NOMO1: variants seen among roughly 807,000 people sequenced by gnomAD.
The protein encoded by NOMO1 is nodal modulator 3.
Under a neutral mutation model 133.8 loss-of-function variants are expected in NOMO1, and 40 were observed. The observed-to-expected ratio is 0.30, with a 90% CI of 0.23 to 0.39. The LOEUF is 0.39. Ranked by LOEUF, NOMO1 falls within the 10% of genes least tolerant of loss-of-function variation. The pLI is 1.00. For synonymous variants in NOMO1, 236 were observed against 570.5 expected, an observed-to-expected ratio of 0.41 and a Z score of 8.36; for missense variants, 462 against 1,419.9, an observed-to-expected ratio of 0.33 and a Z score of 10.84.
chr16:14,886,108 C>T lies in NOMO1; in HGVS notation c.3223-653C>T, dbSNP rs1479710420. Among the ~76,000 whole-genome samples, 2 of 152,070 alleles carry T rather than the reference C, an allele frequency of 1.3e-5. 1 individual carries two copies. Among genetic ancestry groups the T allele is most frequent in the African/African-American group, 4.8e-5 (2 of 41,322 alleles). On this transcript the variant is annotated intron_variant, in intron 27 of 30. Coordinates refer to ENST00000287667, the MANE Select transcript of NOMO1 (RefSeq NM_014287.4). ...CTGCACCTTAACCCTGCTCATGCCC[C>T]ATGCCGTGTGGGAGTGAGAACAGGC...
Position 14,841,015 on chromosome 16 carries a change from T to G in NOMO1, c.256-347T>G, listed in dbSNP as rs565441323. On this transcript the variant is annotated intron_variant, in intron 2 of 30. Transcript: ENST00000287667. The stretch of plus-strand genomic sequence containing the variant: ...TTAGTTCCTGAAGATACATGCTAAC[T>G]TGTGCAACTGTAGGCATGTGAGGGC... Among the ~76,000 whole-genome samples the G allele has an allele frequency of 1.7e-4, 25 of 151,470 alleles. No individual in the cohort carries two copies. The East Asian group carries it at 4.5e-3, about 27-fold the overall frequency.
chr16:14,894,352 T>A (rs1964449174), intron 29 of NOMO1, among the ~76,000 whole-genome samples: 1 of 152,110 alleles, frequency 6.6e-6, no homozygotes, highest in African/African-American at 2.4e-5. Context: ...GTGTGGCACT[T>A]ACCGCTTCTG....
intron 28 of NOMO1, among the ~76,000 whole-genome samples, chr16:14,887,825 G>A (rs1964349170): frequency 6.6e-6 from 1 of 151,840 alleles, no homozygotes; most frequent in South Asian, 2.1e-4. Flanking sequence ...GTTTCCTCAT[G>A]ATGGGGGATC....
intron 16 of NOMO1, among the ~76,000 whole-genome samples, chr16:14,869,916 G>A (rs1019332220): frequency 1.3e-4 from 19 of 149,854 alleles, no homozygotes; most frequent in African/African-American, 4.4e-4. Flanking sequence ...GTTATTGTCT[G>A]TTTTATTATA....
At chr16:14,871,005 A>C (rs1260808156) in intron 16 of NOMO1, among the ~76,000 whole-genome samples, 1 of 145,386 alleles carries the variant, frequency 6.9e-6, no homozygotes, top group Non-Finnish European at 1.5e-5. Flanking sequence ...GGGTGGTTTT[A>C]GCTAATTTCA....
In NOMO1 at chr16:14,833,741, G is replaced by A; in HGVS notation, c.-111G>A. On this transcript the variant is annotated 5_prime_UTR_variant, in exon 1 of 31. Coordinates refer to ENST00000287667, the MANE Select transcript of NOMO1 (RefSeq NM_014287.4). ...GCGGCGGCTCTGGCGGCGGCGGTGG[G>A]GCGGGGCCTGGGCTGTCAGCCGGCC... is the stretch of plus-strand genomic sequence containing the variant. 2 of 1,069,110 alleles carry A rather than the reference G, an allele frequency of 1.9e-6. No individual in the cohort carries two copies. Among genetic ancestry groups the A allele is most frequent in the South Asian group, 2.9e-5 (1 of 34,778 alleles). 66.2% of individuals were successfully genotyped at this position (1,069,110 alleles called of 1,614,324 possible).
intron 1 of NOMO1, among the ~76,000 whole-genome samples, chr16:14,838,147 A>G (rs1963547583): frequency 6.6e-6 from 1 of 152,010 alleles, no homozygotes; most frequent in South Asian, 2.1e-4. Flanking sequence ...AGAGACAGCC[A>G]CTAAAATAAA....
At position 14,864,709 on chromosome 16, in the gene NOMO1, G is replaced by C. The variant is rs778671428; in HGVS notation, c.1520G>C (p.Gly507Ala). ...AFVQFLASVS[G>A]KVSCLDTCGD... ...GTACAGTTCTTGGCATCAGTTTCTGGGAAAGTCTCTTGTTTGGGTAAGATA... is the reference window on the plus strand; with the variant it reads ...GTACAGTTCTTGGCATCAGTTTCTGCGAAAGTCTCTTGTTTGGGTAAGATA... The change falls in exon 13 of 31, where the codon GGG becomes GCG. Residue 507 changes from glycine to alanine, a missense_variant. Coordinates refer to ENST00000287667, the MANE Select transcript of NOMO1 (RefSeq NM_014287.4). The C allele has an allele frequency of 6.2e-7, 1 of 1,613,508 alleles. No homozygotes were observed. The highest frequency in any genetic ancestry group is 2.2e-5 in the East Asian group (1 of 44,878).
intron 12 of NOMO1, among the ~76,000 whole-genome samples, chr16:14,864,280 G>A (rs1490541183): frequency 6.6e-6 from 1 of 151,560 alleles, no homozygotes; most frequent in Non-Finnish European, 1.5e-5. Flanking sequence ...TGACTGGGAT[G>A]TAGTATGGTT....
chr16:14,864,698 A>C lies in NOMO1; in HGVS notation c.1509A>C (p.Ala503=). Residue 503 remains alanine (A), a synonymous_variant, in exon 13 of 31, where the codon GCA becomes GCC. Coordinates refer to ENST00000287667, the MANE Select transcript of NOMO1 (RefSeq NM_014287.4). The part of the protein sequence containing the change: ...MMDVAFVQFL[A]SVSGKVSCLD... Reference sequence around the variant, plus strand: ...ATGTGGCCTTTGTACAGTTCTTGGCATCAGTTTCTGGGAAAGTCTCTTGTT... The same window carrying C: ...ATGTGGCCTTTGTACAGTTCTTGGCCTCAGTTTCTGGGAAAGTCTCTTGTT... 6.2e-7 allele frequency: 1 copy of C among 1,613,430 alleles called. No homozygotes were observed.
intron 1 of NOMO1, among the ~76,000 whole-genome samples, chr16:14,837,372 CT>C (rs1212489069): frequency 6.6e-6 from 1 of 152,092 alleles, no homozygotes; most frequent in Non-Finnish European, 1.5e-5. Context: ...TGATGTGAAT[CT>C]GTACAACCAC....
intron 18 of NOMO1, among the ~76,000 whole-genome samples, chr16:14,873,277 A>G (rs958804338): frequency 1.6e-5 from 2 of 125,242 alleles, no homozygotes; most frequent in Non-Finnish European, 3.7e-5. Flanking sequence ...CATGTTTTAC[A>G]TAGAGGAATG....
chr16:14,843,849 CA>C (rs1963641921), intron 3 of NOMO1, among the ~76,000 whole-genome samples: 1 of 136,946 alleles, frequency 7.3e-6, no homozygotes, highest in Non-Finnish European at 1.6e-5. Context: ...CCTAACCTTT[CA>C]AAAACTCAAC....
At chr16:14,890,055 CTT>C (rs1314924799) in intron 29 of NOMO1, among the ~76,000 whole-genome samples, 2 of 124,778 alleles carry the variant, frequency 1.6e-5, no homozygotes, top group African/African-American at 6.3e-5. Flanking sequence ...TTAAAAGAAA[CTT>C]AACTTATCGC....
At position 14,895,059 on chromosome 16, in the gene NOMO1, T is replaced by C; in HGVS notation, c.3506T>C (p.Leu1169Pro). ...GSYIALPLTL[L>P]VLLAGYNHDK... is the part of the protein sequence containing the mutation. ...TACATTGCCCTGCCATTGACGCTGC[T>C]GGTTCTGCTGGCCGGTTACAACCAT... The change falls in exon 30 of 31, where the codon CTG becomes CCG. Residue 1169 changes from leucine to proline, a missense_variant. Physicochemically the swap from Leu to Pro is moderately conservative, Grantham distance 98 (BLOSUM62 -3). Transcript: ENST00000287667. 2 of 1,609,308 alleles carry C rather than the reference T, an allele frequency of 1.2e-6. No homozygotes were observed. Among genetic ancestry groups the C allele is most frequent in the Non-Finnish European group, 1.7e-6 (2 of 1,179,022 alleles).
At chr16:14,875,741 G>A (rs566209259) in intron 20 of NOMO1, among the ~76,000 whole-genome samples, 4 of 151,932 alleles carry the variant, frequency 2.6e-5, no homozygotes, top group East Asian at 1.9e-4. Context: ...ACATTATCAG[G>A]TCGACACCAG....
At chr16:14,887,354 C>T (rs1407329060) in intron 28 of NOMO1, among the ~76,000 whole-genome samples, 1 of 150,832 alleles carries the variant, frequency 6.6e-6, no homozygotes, top group Non-Finnish European at 1.5e-5. Flanking sequence ...AGTGCAGTGG[C>T]GCAATCTGGG....
rs771357104 is a variant in NOMO1, at chr16:14,895,665, A to T, written c.*20A>T. On this transcript the variant is annotated 3_prime_UTR_variant, in exon 31 of 31. Coordinates refer to ENST00000287667, the MANE Select transcript of NOMO1 (RefSeq NM_014287.4). ...ACTTGAGGAGGAAGGGGACAGTTGCAGTCTCACTTGGGACAGGCCACAGCC... is the reference window on the plus strand; with the variant it reads ...ACTTGAGGAGGAAGGGGACAGTTGCTGTCTCACTTGGGACAGGCCACAGCC... The T allele has an allele frequency of 3.1e-6, 5 of 1,611,864 alleles. No individual in the cohort carries two copies. The African/African-American group carries it at 6.7e-5, about 22-fold the overall frequency.
rs765246439 is a variant in NOMO1 at position 14,866,594 on chromosome 16, G to T, written c.1709G>T (p.Ser570Ile). Residue 570 changes from serine (S) to isoleucine (I), a missense_variant, in exon 15 of 31, where the codon AGC (serine) becomes ATC (isoleucine). Transcript: ENST00000287667. The part of the protein sequence containing the change: ...MHEDWCWKNK[S>I]LEVEVLEDDM... ...GAGGATTGGTGCTGGAAGAACAAGAGCCTGGAGGTGGAAGTGCTGGAGGAT... is the reference window on the plus strand; with the variant it reads ...GAGGATTGGTGCTGGAAGAACAAGATCCTGGAGGTGGAAGTGCTGGAGGAT... 1 of 1,609,994 alleles carries T rather than the reference G, an allele frequency of 6.2e-7. No homozygotes were observed. The highest frequency in any genetic ancestry group is 8.5e-7 in the Non-Finnish European group (1 of 1,179,756).
Sources: gnomAD v4.1 joint callset for allele counts (sites outside exome capture counted in the v4.1 genomes callset) on GRCh38, gnomAD v4.1.1 for gene constraint, MANE v1.5 for transcripts, NCBI Gene and HGNC (gene_info 2026-07-23, HGNC 2026-07-21) for gene names.